RCOR1: variants seen among roughly 807,000 people sequenced by gnomAD.
The protein encoded by RCOR1 is REST corepressor 1.
A neutral mutation model predicts 64.0 loss-of-function variants in RCOR1; 12 were observed. The ratio of observed to expected loss-of-function variants is 0.19; its 90% CI spans 0.12 to 0.30. RCOR1 has a LOEUF of 0.30. Ranked by LOEUF, RCOR1 falls within the 10% of genes least tolerant of loss-of-function variation. The pLI is 1.00. For synonymous variants in RCOR1, 279 were observed against 227.2 expected, an observed-to-expected ratio of 1.23 and a Z score of -2.05; for missense variants, 502 against 621.2, an observed-to-expected ratio of 0.81 and a Z score of 2.04.
intron 2 of RCOR1, among the ~76,000 whole-genome samples, chr14:102,634,007 C>G (rs1894180629): frequency 6.6e-6 from 1 of 152,034 alleles, no homozygotes; most frequent in African/African-American, 2.4e-5. Flanking sequence ...CTTGTGTACT[C>G]CACGTAATTG....
chr14:102,658,296 C>G (rs992181519), intron 2 of RCOR1, among the ~76,000 whole-genome samples: 2 of 151,928 alleles, frequency 1.3e-5, no homozygotes, highest in African/African-American at 2.4e-5. Flanking sequence ...AAAGGTTTTT[C>G]TGGCCAGGTG....
chr14:102,667,345 A>G (rs2139945373), intron 2 of RCOR1, among the ~76,000 whole-genome samples: 1 of 152,136 alleles, frequency 6.6e-6, no homozygotes, highest in Admixed American at 6.5e-5. Context: ...TACTAAAAAT[A>G]TGAAAACTAG....
intron 2 of RCOR1, among the ~76,000 whole-genome samples, chr14:102,628,283 A>T (rs972318077): frequency 6.6e-5 from 10 of 152,192 alleles, no homozygotes; most frequent in African/African-American, 2.2e-4. Context: ...TGTCACAGAT[A>T]GACCCAGAAT....
intron 2 of RCOR1, among the ~76,000 whole-genome samples, chr14:102,619,026 G>A (rs1352291576): frequency 6.6e-6 from 1 of 152,188 alleles, no homozygotes; most frequent in African/African-American, 2.4e-5. Context: ...GATTGGTAAA[G>A]TGGTGGAAGG....
intron 2 of RCOR1, among the ~76,000 whole-genome samples, chr14:102,643,508 G>C (rs991095788): frequency 1.3e-5 from 2 of 152,182 alleles, no homozygotes; most frequent in Non-Finnish European, 2.9e-5. Context: ...AGTGATGCTG[G>C]AGGAAGCAGA....
chr14:102,708,126 C>T (rs1369192786), intron 5 of RCOR1, among the ~76,000 whole-genome samples: 4 of 152,134 alleles, frequency 2.6e-5, no homozygotes, highest in South Asian at 2.1e-4. Context: ...CTACCACGCC[C>T]GGCTAATTTT....
intron 3 of RCOR1, among the ~76,000 whole-genome samples, chr14:102,694,015 A>G (rs868284761): frequency 2.6e-5 from 4 of 151,996 alleles, no homozygotes; most frequent in Non-Finnish European, 5.9e-5. Context: ...TGTTTTTTGT[A>G]TGAGGGTAGC....
intron 3 of RCOR1, among the ~76,000 whole-genome samples, chr14:102,682,566 C>T (rs956037643): frequency 6.6e-6 from 1 of 152,190 alleles, no homozygotes; most frequent in Non-Finnish European, 1.5e-5. Flanking sequence ...GTTCAGTCAT[C>T]GTATCTCCTT....
At chr14:102,670,746 T>TAC (rs1360573139) in intron 2 of RCOR1, among the ~76,000 whole-genome samples, 2 of 149,068 alleles carry the variant, frequency 1.3e-5, no homozygotes, top group East Asian at 1.9e-4. Context: ...GATTATTATA[T>TAC]ATATATATAT....
At chr14:102,634,661 TATAC>T (rs1166527339) in intron 2 of RCOR1, among the ~76,000 whole-genome samples, 1 of 149,684 alleles carries the variant, frequency 6.7e-6, no homozygotes, top group African/African-American at 2.5e-5. Flanking sequence ...TGTATATATA[TATAC>T]ACACACACGT....
At chr14:102,676,608 A>G (rs1895165361) in intron 2 of RCOR1, among the ~76,000 whole-genome samples, 1 of 79,624 alleles carries the variant, frequency 1.3e-5, no homozygotes, top group African/African-American at 5.5e-5. Flanking sequence ...CACCTCCCGG[A>G]CGGGGCGGCT....
At chr14:102,723,071 A>G (rs907684005) in intron 11 of RCOR1, among the ~76,000 whole-genome samples, 6 of 152,152 alleles carry the variant, frequency 3.9e-5, no homozygotes, top group Admixed American at 3.9e-4. Context: ...TTGCTGTTAC[A>G]TTTGTCCCTC....
chr14:102,694,594 A>G (rs143596451), intron 3 of RCOR1, among the ~76,000 whole-genome samples: 135 of 152,282 alleles, frequency 8.9e-4, no homozygotes, highest in Middle Eastern at 6.8e-3. Flanking sequence ...CATTTTTATA[A>G]AGAACGTACA....
At chr14:102,675,817 C>T (rs1417371231) in intron 2 of RCOR1, among the ~76,000 whole-genome samples, 1 of 152,212 alleles carries the variant, frequency 6.6e-6, no homozygotes, top group African/African-American at 2.4e-5. Context: ...AACCTTGGAT[C>T]TATTCATTAT....
At chr14:102,605,824 C>T (rs924314217) in intron 2 of RCOR1, among the ~76,000 whole-genome samples, 43 of 152,150 alleles carry the variant, frequency 2.8e-4, no homozygotes, top group African/African-American at 1.0e-3. Flanking sequence ...GTCTTATTGC[C>T]TCTGAAGACC....
intron 2 of RCOR1, among the ~76,000 whole-genome samples, chr14:102,646,398 T>C (rs768972489): frequency 6.6e-6 from 1 of 152,146 alleles, no homozygotes; most frequent in Non-Finnish European, 1.5e-5. Context: ...AAATACAGGT[T>C]GCATAAGAAA....
At chr14:102,722,052 A>G in intron 10 of RCOR1, 135 bp from the exon 11 acceptor site, 1 of 671,614 alleles carries the variant, frequency 1.5e-6, no homozygotes, top group South Asian at 2.0e-5. Flanking sequence ...TTCCTACTCT[A>G]ATAATACACG....
chr14:102,595,191 G>A (rs1046254492), intron 2 of RCOR1, among the ~76,000 whole-genome samples: 8 of 152,166 alleles, frequency 5.3e-5, no homozygotes, highest in Non-Finnish European at 1.2e-4. Context: ...ACTTGCTAGT[G>A]ACCAGCTATT....
At chr14:102,655,728 G>A (rs537682287) in intron 2 of RCOR1, among the ~76,000 whole-genome samples, 5 of 152,170 alleles carry the variant, frequency 3.3e-5, no homozygotes, top group South Asian at 2.1e-4. Context: ...TGAGGCGAGC[G>A]AATTGCCTGA....
Sources: allele counts gnomAD v4.1 joint callset (sites outside exome capture counted in the v4.1 genomes callset), GRCh38; gene constraint gnomAD v4.1.1; transcripts MANE v1.5; gene names NCBI Gene and HGNC (gene_info 2026-07-23, HGNC 2026-07-21).